The following COX16 variants were observed in gnomAD, a reference collection of about 807,000 sequenced individuals.
The protein encoded by COX16 is cytochrome c oxidase assembly factor COX16.
Under a neutral mutation model 15.4 loss-of-function variants are expected in COX16, and 12 were observed. The observed-to-expected ratio is 0.78, with a 90% CI of 0.50 to 1.26. COX16 has a LOEUF of 1.26. Among genes scored for constraint, COX16 ranks in the 50% most tolerant of loss-of-function variants. The pLI is 0.00. For synonymous variants in COX16, 46 were observed against 41.1 expected, an observed-to-expected ratio of 1.12 and a Z score of -0.46; for missense variants, 124 against 127.6, an observed-to-expected ratio of 0.97 and a Z score of 0.14.
chr14:70,328,481 T>C (rs1886165595), intron 3 of COX16, among the ~76,000 whole-genome samples: 1 of 152,094 alleles, frequency 6.6e-6, no homozygotes, highest in Non-Finnish European at 1.5e-5. Flanking sequence ...ATGAAGAACA[T>C]CCTCACCACA....
intron 2 of COX16, among the ~76,000 whole-genome samples, chr14:70,341,185 C>G (rs547371021): frequency 6.6e-6 from 1 of 152,196 alleles, no homozygotes; most frequent in South Asian, 2.1e-4. Flanking sequence ...TAACTGAAAG[C>G]TTTTAACACA....
intron 1 of COX16, among the ~76,000 whole-genome samples, chr14:70,352,402 G>A (rs60865527): frequency 6.6e-6 from 1 of 151,924 alleles, no homozygotes; most frequent in African/African-American, 2.4e-5. Context: ...GCCCAGGCTG[G>A]TCTTGAACTC....
rs1566608598 is a variant in COX16, at chr14:70,358,383, T to TA, written c.69+1135_69+1136insT. On this transcript the variant is annotated intron_variant, in intron 1 of 3. Coordinates refer to ENST00000389912, the MANE Select transcript of COX16 (RefSeq NM_016468.7). Reference sequence around the variant, plus strand: ...GCTAAAAACAACAATTTTTTTTTTTTTTTTTTTTTTTGGAGAGACAGAGGT... The same window carrying TA: ...GCTAAAAACAACAATTTTTTTTTTTTATTTTTTTTTTTGGAGAGACAGAGGT... Among the ~76,000 whole-genome samples, 433 of 146,534 alleles carry TA rather than the reference T, an allele frequency of 3.0e-3. 2 individuals carry two copies. The highest frequency in any genetic ancestry group is 0.01 in the African/African-American group (409 of 39,978).
intron 2 of COX16, among the ~76,000 whole-genome samples, chr14:70,329,850 A>G (rs1886225508): frequency 6.6e-6 from 1 of 152,056 alleles, no homozygotes; most frequent in African/African-American, 2.4e-5. Flanking sequence ...ATAAACAACA[A>G]CTACAAAAAA....
Position 70,326,162 on chromosome 14 carries a change from A to G in COX16, c.*171T>C. 4.9e-6 allele frequency: 2 copies of G among 409,316 alleles called. No individual in the cohort carries two copies. Among genetic ancestry groups the G allele is most frequent in the Non-Finnish European group, 8.0e-6 (2 of 249,358 alleles). The allele number at this position is 409,316 out of a possible 1,614,324, so 25.4% of individuals were successfully genotyped here. On this transcript the variant is annotated 3_prime_UTR_variant, in exon 4 of 4. Transcript: ENST00000389912. ...TCCACAGATGGAATAGCTGGGAAGTATAAAAACCTGTACATGACCTTTAGT... is the reference window on the plus strand; with the variant it reads ...TCCACAGATGGAATAGCTGGGAAGTGTAAAAACCTGTACATGACCTTTAGT...
intron 2 of COX16, among the ~76,000 whole-genome samples, chr14:70,341,154 T>G (rs1050022953): frequency 2.6e-5 from 4 of 152,208 alleles, no homozygotes; most frequent in African/African-American, 9.6e-5. Context: ...AAAAAATTCC[T>G]TGATAAAATA....
In COX16 at chr14:70,326,379, A is replaced by G. The variant is rs139121123; in HGVS notation, c.275T>C (p.Leu92Pro). Residue 92 changes from leucine (L) to proline (P), a missense_variant, in exon 4 of 4, where the codon CTC (leucine) becomes CCC (proline). Leu to Pro is a moderately conservative substitution (Grantham distance 98). Transcript: ENST00000389912. ...RGPRPWEDPD[L>P]LQGRNPESLK... ...GCTTTCTGGATTTCTTCCTTGGAGG[A>G]GGTCAGGATCTTCCCAAGGCCTGGG... 6.3e-7 allele frequency: 1 copy of G among 1,592,920 alleles called. No individual in the cohort carries two copies. The highest frequency in any genetic ancestry group is 8.5e-7 in the Non-Finnish European group (1 of 1,169,612).
intron 2 of COX16, among the ~76,000 whole-genome samples, chr14:70,331,158 C>A (rs8010607): frequency 0.029 from 4,393 of 152,146 alleles, 207 homozygotes; most frequent in African/African-American, 0.098. Context: ...CAGGCATGTG[C>A]CACTACGCCC....
At position 70,325,614 on chromosome 14, in the gene COX16, A is replaced by G. The variant is rs1195178853; in HGVS notation, c.*719T>C. On this transcript the variant is annotated 3_prime_UTR_variant, in exon 4 of 4. Transcript: ENST00000389912. ...CAAAAACACTAGAGGGCAATTTTGC[A>G]TGCAAATTATGCTAAGGCATAATTT... is the stretch of plus-strand genomic sequence containing the variant. 1.3e-5 allele frequency: 2 copies of G among 152,218 alleles called. No homozygotes were observed. Among genetic ancestry groups the G allele is most frequent in the Non-Finnish European group, 2.9e-5 (2 of 68,036 alleles). The allele number at this position is 152,218 out of a possible 1,614,324, so 9.4% of individuals were successfully genotyped here.
intron 2 of COX16, among the ~76,000 whole-genome samples, chr14:70,329,590 T>G (rs1346098366): frequency 6.6e-6 from 1 of 152,072 alleles, no homozygotes; most frequent in Admixed American, 6.5e-5. Flanking sequence ...GTATTAGTTC[T>G]CTGCCTCCAG....
At chr14:70,327,934 AAAC>A (rs1292495825) in intron 3 of COX16, among the ~76,000 whole-genome samples, 3 of 152,136 alleles carry the variant, frequency 2.0e-5, no homozygotes, top group African/African-American at 4.8e-5. Context: ...TGCTGAGAAA[AAAC>A]AGTGTCAAGA....
chr14:70,357,812 C>A (rs1333115079), intron 1 of COX16, among the ~76,000 whole-genome samples: 1 of 152,164 alleles, frequency 6.6e-6, no homozygotes, highest in Non-Finnish European at 1.5e-5. Flanking sequence ...TAAAATGATG[C>A]AGCCACTTTG....
rs1271505185 is a variant in COX16, at chr14:70,326,201, C to T, written c.*132G>A. On this transcript the variant is annotated 3_prime_UTR_variant, in exon 4 of 4. Coordinates refer to ENST00000389912, the MANE Select transcript of COX16 (RefSeq NM_016468.7). ...ATGACCTTTAGTGAAGATTATTTGT[C>T]ATCAAATTACCCATATCCAAGTTTC... 29 of 605,836 alleles carry T rather than the reference C, an allele frequency of 4.8e-5. No individual in the cohort carries two copies. The highest frequency in any genetic ancestry group is 6.6e-5 in the Non-Finnish European group (27 of 409,462). 37.5% of individuals were successfully genotyped at this position (605,836 alleles called of 1,614,324 possible). A position where few individuals can be genotyped will look rare whatever the true frequency, so the allele number is the denominator to read the frequency against.
At chr14:70,344,950 G>A (rs1034259407) in intron 1 of COX16, among the ~76,000 whole-genome samples, 22 of 150,430 alleles carry the variant, frequency 1.5e-4, no homozygotes, top group Admixed American at 7.2e-4. Flanking sequence ...CTGCACCCAC[G>A]CGCTCATCAA....
chr14:70,356,068 G>GC (rs1887115715), intron 1 of COX16, among the ~76,000 whole-genome samples: 1 of 152,088 alleles, frequency 6.6e-6, no homozygotes, highest in South Asian at 2.1e-4. Context: ...TGTACAGCCT[G>GC]CAGAACCATG....
chr14:70,343,615 A>G (rs1405089068), intron 1 of COX16, among the ~76,000 whole-genome samples: 2 of 152,238 alleles, frequency 1.3e-5, no homozygotes, highest in African/African-American at 2.4e-5. Context: ...CCCAGGGACA[A>G]TATGGCTATA....
At chr14:70,350,017 G>GC (rs1486977054) in intron 1 of COX16, among the ~76,000 whole-genome samples, 1 of 152,118 alleles carries the variant, frequency 6.6e-6, no homozygotes, top group African/African-American at 2.4e-5. Flanking sequence ...AGGTGCCCAC[G>GC]CCACCCCTAT....
At chr14:70,354,232 A>C (rs1887056604) in intron 1 of COX16, among the ~76,000 whole-genome samples, 1 of 152,242 alleles carries the variant, frequency 6.6e-6, no homozygotes, top group Non-Finnish European at 1.5e-5. Flanking sequence ...AAAAGAGAAC[A>C]AATCAGAAAA....
intron 1 of COX16, among the ~76,000 whole-genome samples, chr14:70,352,023 A>T (rs914096945): frequency 2.6e-5 from 4 of 152,186 alleles, no homozygotes; most frequent in Non-Finnish European, 5.9e-5. Flanking sequence ...CAATTTGGGG[A>T]TCTTTTAAGA....
Sources: allele counts gnomAD v4.1 joint callset (sites outside exome capture counted in the v4.1 genomes callset), GRCh38; gene constraint gnomAD v4.1.1; transcripts MANE v1.5; gene names NCBI Gene and HGNC (gene_info 2026-07-23, HGNC 2026-07-21).